GLDC: variants seen among roughly 807,000 people sequenced by gnomAD.
GLDC encodes the protein glycine dehydrogenase (decarboxylating), mitochondrial.
In GLDC, 104 loss-of-function variants were observed where a neutral mutation model predicts 121.3. That is an observed-to-expected ratio of 0.86 (90% CI 0.73 to 1.01). The LOEUF (loss-of-function observed/expected upper bound fraction) is 1.01, where lower values mean the gene tolerates loss of function less well. Among genes scored for constraint, GLDC ranks in the 50% least tolerant of loss-of-function variants. GLDC has a pLI of 0.00. For missense variants in GLDC, 1,429 were observed against 1,306.6 expected, an observed-to-expected ratio of 1.09 and a Z score of -1.44; for synonymous variants, 546 against 480.6, an observed-to-expected ratio of 1.14 and a Z score of -1.78.
chr9:6,563,521 T>C (rs1045583006), intron 16 of GLDC, among the ~76,000 whole-genome samples: 2 of 152,042 alleles, frequency 1.3e-5, no homozygotes, highest in Non-Finnish European at 2.9e-5. Context: ...CCTCAGAACA[T>C]GGAAGCCATG....
intron 15 of GLDC, among the ~76,000 whole-genome samples, chr9:6,580,244 C>G (rs1290858672): frequency 2.0e-5 from 3 of 152,180 alleles, no homozygotes; most frequent in African/African-American, 7.2e-5. Flanking sequence ...CTCTCTGCTT[C>G]TATAATTGCA....
At chr9:6,640,553 G>C (rs781258127) in intron 2 of GLDC, among the ~76,000 whole-genome samples, 1 of 152,204 alleles carries the variant, frequency 6.6e-6, no homozygotes, top group Non-Finnish European at 1.5e-5. Flanking sequence ...AATCACTCTG[G>C]AACATTCAGC....
intron 14 of GLDC, 39 bp downstream of exon 14, chr9:6,588,362 C>A (rs766353797): frequency 1.4e-6 from 2 of 1,454,252 alleles, no homozygotes; most frequent in Non-Finnish European, 9.7e-7. Flanking sequence ...AGAACACTGC[C>A]CCTTGCTGAG....
In GLDC at chr9:6,595,042, T is replaced by C; in HGVS notation, c.1233A>G (p.Val411=). 1.2e-6 allele frequency: 2 copies of C among 1,610,168 alleles called. No individual in the cohort carries two copies. Among genetic ancestry groups the C allele is most frequent in the Non-Finnish European group, 1.7e-6 (2 of 1,176,382 alleles). Residue 411 remains valine, a synonymous_variant, in exon 9 of 25, where the codon GTA becomes GTG. Coordinates refer to ENST00000321612, the MANE Select transcript of GLDC (RefSeq NM_000170.3). ...CTGACAAAATCAAAGTGGCATTATG[T>C]ACCCTCCTAGCAATATGCTCCAGCC... is the stretch of plus-strand genomic sequence containing the variant. ...SHGLEHIARR[V]HNATLILSEG...
intron 4 of GLDC, 85 bp downstream of exon 4, chr9:6,610,107 A>C: frequency 2.0e-6 from 2 of 1,019,748 alleles, no homozygotes; most frequent in Non-Finnish European, 3.0e-6. Context: ...GACTAAAGTA[A>C]TATTCACAAT....
chr9:6,598,118 T>C (rs1339323244), intron 8 of GLDC, among the ~76,000 whole-genome samples: 2 of 152,270 alleles, frequency 1.3e-5, no homozygotes, highest in African/African-American at 4.8e-5. Flanking sequence ...AGCCTGGACC[T>C]CCCCAGCTCA....
rs547347281 is a variant in GLDC at position 6,565,680 on chromosome 9, A to G, written c.1851-251T>C. 9.9e-6 allele frequency: 6 copies of G among 607,764 alleles called. No individual in the cohort carries two copies. The East Asian group carries it at 1.6e-4, about 17-fold the overall frequency. The allele number at this position is 607,764 out of a possible 1,614,324, so 37.6% of individuals were successfully genotyped here. ...CCTACCCAAAGATGGAGCTTTCTAT[A>G]TCCTTGCTCAGGACCACGCATTGAA... On this transcript the variant is annotated intron_variant, in intron 15 of 24. Transcript: ENST00000321612.
chr9:6,605,704 C>T (rs1248711236), intron 5 of GLDC, among the ~76,000 whole-genome samples: 1 of 152,172 alleles, frequency 6.6e-6, no homozygotes, highest in African/African-American at 2.4e-5. Flanking sequence ...AATTATATGT[C>T]AGAAACCCCC....
At chr9:6,641,027 G>C (rs1275159457) in intron 2 of GLDC, among the ~76,000 whole-genome samples, 1 of 152,174 alleles carries the variant, frequency 6.6e-6, no homozygotes, top group Non-Finnish European at 1.5e-5. Context: ...ATTTTGAACT[G>C]AATAGCTTTG....
chr9:6,644,536 A>G (rs1819698859), intron 2 of GLDC, 78 bp downstream of exon 2: 1 of 958,386 alleles, frequency 1.0e-6, no homozygotes, highest in African/African-American at 1.6e-5. Flanking sequence ...CTTACCCCAG[A>G]GCTCGATTTT....
chr9:6,605,286 G>C lies in GLDC; in HGVS notation c.714-8C>G, dbSNP rs746399537. ...GTGAGGACTCCAGTATATCTGGAAA[G>C]ACAGACAACAAAGAACAATCGTGCT... On this transcript the variant is annotated splice_region_variant and splice_polypyrimidine_tract_variant and intron_variant, in intron 5 of 24. Transcript: ENST00000321612. 3.4e-5 allele frequency: 55 copies of C among 1,613,176 alleles called. 1 individual carries two copies. In the South Asian group the frequency reaches 5.9e-4, roughly 17 times the overall value.
Position 6,610,183 on chromosome 9 carries a change from G to T in GLDC, c.635+9C>A, listed in dbSNP as rs775573191. The T allele has an allele frequency of 6.2e-7, 1 of 1,603,666 alleles. No homozygotes were observed. The highest frequency in any genetic ancestry group is 2.2e-5 in the East Asian group (1 of 44,648). Reference sequence around the variant, plus strand: ...AACTGGAATTCCAGCACTTTGAGAGGCCTCTCACCTGTAGCACAGCTGCAG... The same window carrying T: ...AACTGGAATTCCAGCACTTTGAGAGTCCTCTCACCTGTAGCACAGCTGCAG... On this transcript the variant is annotated intron_variant, in intron 4 of 24. Coordinates refer to ENST00000321612, the MANE Select transcript of GLDC (RefSeq NM_000170.3).
intron 2 of GLDC, among the ~76,000 whole-genome samples, chr9:6,626,440 A>G (rs774101234): frequency 2.7e-4 from 41 of 152,386 alleles, no homozygotes; most frequent in Admixed American, 2.1e-3. Context: ...GCGGAAGATA[A>G]AAATGGTAGT....
rs547547878 is a variant in GLDC, at chr9:6,575,010, C to T, written c.1851-9581G>A. Among the ~76,000 whole-genome samples, 6 of 152,190 alleles carry T rather than the reference C, an allele frequency of 3.9e-5. No individual in the cohort carries two copies. The South Asian group carries it at 1.2e-3, about 32-fold the overall frequency. ...AATTGCTCTCCAACCCAGTGATGCA[C>T]ATTAGAATTAGAGAGTTTTTTGCTT... On this transcript the variant is annotated intron_variant, in intron 15 of 24. Transcript: ENST00000321612.
chr9:6,631,168 C>T (rs1819369803), intron 2 of GLDC, among the ~76,000 whole-genome samples: 1 of 152,222 alleles, frequency 6.6e-6, no homozygotes, highest in Non-Finnish European at 1.5e-5. Flanking sequence ...CTGCCAGGCT[C>T]TTCCCTGTCT....
chr9:6,561,354 A>T (rs1258036237), intron 16 of GLDC, among the ~76,000 whole-genome samples: 1 of 152,098 alleles, frequency 6.6e-6, no homozygotes, highest in African/African-American at 2.4e-5. Flanking sequence ...CCTCAGTTTA[A>T]AATTGTAGTG....
intron 3 of GLDC, among the ~76,000 whole-genome samples, chr9:6,617,568 A>T (rs766985753): frequency 3.3e-5 from 5 of 152,240 alleles, no homozygotes; most frequent in Non-Finnish European, 5.9e-5. Context: ...AGAAGCCTTC[A>T]TCAATGCAAA....
intron 17 of GLDC, among the ~76,000 whole-genome samples, chr9:6,556,831 G>A (rs1041285187): frequency 6.6e-6 from 1 of 151,726 alleles, no homozygotes; most frequent in East Asian, 1.9e-4. Flanking sequence ...GAAATAATAA[G>A]ATCCTTTCAG....
At chr9:6,573,968 C>T (rs1176602374) in intron 15 of GLDC, among the ~76,000 whole-genome samples, 1 of 152,212 alleles carries the variant, frequency 6.6e-6, no homozygotes, top group East Asian at 1.9e-4. Flanking sequence ...AGTACCCTAA[C>T]GTTAGCCAGG....
Sources: allele counts gnomAD v4.1 joint callset (sites outside exome capture counted in the v4.1 genomes callset), GRCh38; gene constraint gnomAD v4.1.1; transcripts MANE v1.5; gene names NCBI Gene and HGNC (gene_info 2026-07-23, HGNC 2026-07-21).